The following PDE10A variants were observed in gnomAD, a reference collection of about 807,000 sequenced individuals.
The protein encoded by PDE10A is cAMP and cAMP-inhibited cGMP 3',5'-cyclic phosphodiesterase 10A.
Under a neutral mutation model 97.7 loss-of-function variants are expected in PDE10A, and 39 were observed. The ratio of observed to expected loss-of-function variants is 0.40; its 90% confidence interval spans 0.31 to 0.52. PDE10A has a LOEUF of 0.52. PDE10A is among the 20% of genes least tolerant of loss of function. The pLI is 0.56. For missense variants in PDE10A, 731 were observed against 1,047.8 expected (o/e 0.70, Z 4.17); for synonymous variants, 371 against 376.8 (o/e 0.98, Z 0.18).
chr6:165,394,166 C>G (rs1785944262), intron 15 of PDE10A, among the ~76,000 whole-genome samples: 1 of 152,050 alleles, frequency 6.6e-6, no homozygotes, highest in Non-Finnish European at 1.5e-5. Context: ...TTGCTGCACC[C>G]ATCAACCCTT....
chr6:165,704,070 G>A (rs1327548791), intron 1 of PDE10A, among the ~76,000 whole-genome samples: 3 of 152,186 alleles, frequency 2.0e-5, no homozygotes, highest in African/African-American at 7.2e-5. Flanking sequence ...AAACTCAACT[G>A]CAGCCGTGCC....
At chr6:165,604,332 C>T (rs936644649) in intron 1 of PDE10A, among the ~76,000 whole-genome samples, 8 of 152,008 alleles carry the variant, frequency 5.3e-5, no homozygotes, top group East Asian at 1.9e-4. Flanking sequence ...GAATCATTGG[C>T]GATAGTTTCG....
At chr6:165,605,428 A>G (rs1787161717) in intron 1 of PDE10A, among the ~76,000 whole-genome samples, 1 of 152,218 alleles carries the variant, frequency 6.6e-6, no homozygotes, top group South Asian at 2.1e-4. Flanking sequence ...TGTTCTAAAA[A>G]TAAGTTTCCT....
intron 5 of PDE10A, among the ~76,000 whole-genome samples, chr6:165,441,482 T>C (rs577322885): frequency 6.6e-6 from 1 of 152,188 alleles, no homozygotes; most frequent in Non-Finnish European, 1.5e-5. Flanking sequence ...GGGTAAATGG[T>C]AAATTAAGGT....
intron 1 of PDE10A, among the ~76,000 whole-genome samples, chr6:165,573,653 T>C (rs1785160666): frequency 6.6e-6 from 1 of 152,176 alleles, no homozygotes; most frequent in Non-Finnish European, 1.5e-5. Context: ...AAACATTATG[T>C]GTAATGAATT....
chr6:165,503,763 CCTAAGA>C (rs1421854783), intron 2 of PDE10A, among the ~76,000 whole-genome samples: 3 of 152,028 alleles, frequency 2.0e-5, no homozygotes, highest in African/African-American at 7.2e-5. Context: ...TAGATATTTA[CCTAAGA>C]CTAAGTATCT....
rs545455788 is a variant in PDE10A, at chr6:165,925,469, A to T, written c.-615+62060T>A. Among the ~76,000 whole-genome samples, 6 of 150,130 alleles carry T rather than the reference A, an allele frequency of 4.0e-5. No individual in the cohort carries two copies. The South Asian group carries it at 1.2e-3, about 31-fold the overall frequency. On this transcript the variant is annotated intron_variant, in intron 1 of 19. Coordinates refer to the PDE10A transcript ENST00000366882. ...TCATAGCAGCATTTCTTGTAATAAT[A>T]AAAAAACACTGGAAATAACCCAAAT...
intron 1 of PDE10A, among the ~76,000 whole-genome samples, chr6:165,965,248 G>T (rs1165548401): frequency 6.6e-6 from 1 of 152,144 alleles, no homozygotes; most frequent in Admixed American, 6.5e-5. Flanking sequence ...CGAGGAGGTG[G>T]GACTTACGCA....
intron 1 of PDE10A, among the ~76,000 whole-genome samples, chr6:165,637,331 GA>G: frequency 6.6e-6 from 1 of 152,140 alleles, no homozygotes; most frequent in Admixed American, 6.5e-5. Flanking sequence ...GTGGCTTCCA[GA>G]ATGTGGCCCT....
chr6:165,821,172 T>A, intron 1 of PDE10A, among the ~76,000 whole-genome samples: 1 of 152,200 alleles, frequency 6.6e-6, no homozygotes, highest in Non-Finnish European at 1.5e-5. Context: ...CAGCCACTGA[T>A]CAGAGACTAA....
At chr6:165,619,384 CTAGTATAGTGTAGTG>C (rs1787943229) in intron 1 of PDE10A, among the ~76,000 whole-genome samples, 3 of 27,888 alleles carry the variant, frequency 1.1e-4, no homozygotes, top group East Asian at 1.1e-3. Context: ...GTAGTGTAGT[CTAGTATAGTGTAGTG>C]TAGTGTAGTC....
chr6:165,823,981 T>G (rs1779654524), intron 1 of PDE10A, among the ~76,000 whole-genome samples: 1 of 152,248 alleles, frequency 6.6e-6, no homozygotes, highest in Admixed American at 6.5e-5. Flanking sequence ...AAGGTTTCAT[T>G]GGTTTGCCTA....
At chr6:165,335,076 G>T (rs192586921) in intron 21 of PDE10A, among the ~76,000 whole-genome samples, 1 of 152,320 alleles carries the variant, frequency 6.6e-6, no homozygotes, top group Non-Finnish European at 1.5e-5. Context: ...ACGCACAGCT[G>T]CTGGCTATAA....
intron 1 of PDE10A, among the ~76,000 whole-genome samples, chr6:165,978,780 T>C (rs955711848): frequency 1.3e-5 from 2 of 152,234 alleles, no homozygotes; most frequent in African/African-American, 4.8e-5. Context: ...ATATCATTGT[T>C]AAGCATTCTT....
intron 1 of PDE10A, among the ~76,000 whole-genome samples, chr6:165,746,543 T>TGAGGG (rs762067479): frequency 6.6e-6 from 1 of 152,122 alleles, no homozygotes; most frequent in Non-Finnish European, 1.5e-5. Flanking sequence ...CATTCAGTAG[T>TGAGGG]GAGGGTGTGT....
rs1458022776 is a variant in PDE10A, at chr6:165,661,751, T to C, written c.865+196A>G. The stretch of plus-strand genomic sequence containing the variant: ...GGAGCCTGGGAAACCCCGGCGTCCC[T>C]GCGCGGCCGAACGCTCCCGCGCTCC... On this transcript the variant is annotated intron_variant, in intron 1 of 21. Transcript: ENST00000539869. This position sits in a 1 kb window ranked among gnomAD's most constrained non-coding sequence, Gnocchi z 4.8. Among the ~76,000 whole-genome samples the C allele has an allele frequency of 6.6e-6, 1 of 152,002 alleles. No homozygotes were observed. The highest frequency in any genetic ancestry group is 1.5e-5 in the Non-Finnish European group (1 of 67,962).
chr6:165,779,480 G>A (rs540931597), intron 1 of PDE10A, among the ~76,000 whole-genome samples: 3 of 152,300 alleles, frequency 2.0e-5, no homozygotes, highest in East Asian at 3.9e-4. Flanking sequence ...CAAGTCCTAC[G>A]TGGGGTTTCC....
At position 165,685,978 on chromosome 6, in the gene PDE10A, G is replaced by A. The variant is rs892810441; in HGVS notation, c.-614-142410C>T. On this transcript the variant is annotated intron_variant, in intron 1 of 19. Coordinates refer to the PDE10A transcript ENST00000366882. Reference sequence around the variant, plus strand: ...AAAAAATTAATAATAAAGAAATTACGTCCATGAGCCTAATTGTGTTTGTGA... The same window carrying A: ...AAAAAATTAATAATAAAGAAATTACATCCATGAGCCTAATTGTGTTTGTGA... Among the ~76,000 whole-genome samples, 8 of 152,194 alleles carry A rather than the reference G, an allele frequency of 5.3e-5. No homozygotes were observed. The South Asian group carries it at 6.2e-4, about 12-fold the overall frequency.
chr6:165,667,852 C>G (rs567452555), upstream of PDE10A, among the ~76,000 whole-genome samples: 1 of 152,138 alleles, frequency 6.6e-6, no homozygotes, highest in Non-Finnish European at 1.5e-5. Flanking sequence ...CTTAGGATAA[C>G]CATGTGAATA....
Sources: allele counts gnomAD v4.1 joint callset (sites outside exome capture counted in the v4.1 genomes callset), GRCh38; gene constraint gnomAD v4.1.1; non-coding constraint Gnocchi (gnomAD v3.1); transcripts MANE v1.5; gene names NCBI Gene and HGNC (gene_info 2026-07-23, HGNC 2026-07-21).